The following ST8SIA6 variants were observed in gnomAD, a reference collection of about 807,000 sequenced individuals.
The protein encoded by ST8SIA6 is ST8 alpha-N-acetyl-neuraminide alpha-2,8-sialyltransferase 6, also known as alpha-2,8-sialyltransferase 8F.
Under a neutral mutation model 33.6 loss-of-function variants are expected in ST8SIA6, and 39 were observed. The observed-to-expected ratio is 1.16, with a 90% CI of 0.90 to 1.52. The LOEUF (loss-of-function observed/expected upper bound fraction) is 1.52. Ranked by LOEUF, ST8SIA6 falls within the 40% of genes most tolerant of loss-of-function variation. The pLI, the probability that ST8SIA6 is intolerant of heterozygous loss-of-function variation, is 0.00. For synonymous variants in ST8SIA6, 172 were observed against 167.2 expected, an observed-to-expected ratio of 1.03 and a Z score of -0.22; for missense variants, 441 against 443.8, an observed-to-expected ratio of 0.99 and a Z score of 0.06.
intron 2 of ST8SIA6, among the ~76,000 whole-genome samples, chr10:17,415,951 A>G (rs906725742): frequency 6.6e-6 from 1 of 151,654 alleles, no homozygotes; most frequent in African/African-American, 2.4e-5. Flanking sequence ...CTGGGATTAC[A>G]GGTGCGCCAC....
chr10:17,442,426 G>T (rs1004679529), intron 2 of ST8SIA6, among the ~76,000 whole-genome samples: 1 of 152,182 alleles, frequency 6.6e-6, no homozygotes, highest in Non-Finnish European at 1.5e-5. Context: ...GGATTGTCTA[G>T]CAGCAGCCCA....
chr10:17,361,435 G>C (rs1017726464), intron 3 of ST8SIA6, among the ~76,000 whole-genome samples: 48 of 151,356 alleles, frequency 3.2e-4, no homozygotes, highest in Middle Eastern at 3.4e-3. Flanking sequence ...ACTACCAAAG[G>C]CCACTCAAGA....
intron 3 of ST8SIA6, among the ~76,000 whole-genome samples, chr10:17,369,924 T>G (rs1177686663): frequency 6.6e-6 from 1 of 152,152 alleles, no homozygotes; most frequent in Non-Finnish European, 1.5e-5. Flanking sequence ...TATCTTTGAG[T>G]CTAAAGTGTG....
At chr10:17,328,781 C>T (rs934420353) in intron 5 of ST8SIA6, among the ~76,000 whole-genome samples, 2 of 152,260 alleles carry the variant, frequency 1.3e-5, no homozygotes, top group South Asian at 2.1e-4. Context: ...ACCGGTATCA[C>T]GGGAATTAAT....
intron 2 of ST8SIA6, among the ~76,000 whole-genome samples, chr10:17,423,511 A>G (rs1043611977): frequency 2.0e-5 from 3 of 152,186 alleles, no homozygotes; most frequent in Non-Finnish European, 2.9e-5. Context: ...TGCTCCAAAT[A>G]TACTTTTTAA....
chr10:17,359,743 T>C (rs1003196959), intron 3 of ST8SIA6, 143 bp from the exon 4 acceptor site: 1 of 478,456 alleles, frequency 2.1e-6, no homozygotes, highest in African/African-American at 2.0e-5. Context: ...ATCATACTCA[T>C]TTCAAAACAC....
In ST8SIA6 at chr10:17,324,708, T is replaced by TACACACACACACAC. The variant is rs6143806; in HGVS notation, c.636-1565_636-1552dup. Among the ~76,000 whole-genome samples the TACACACACACACAC allele has an allele frequency of 3.3e-3, 467 of 140,010 alleles. 2 individuals carry two copies. The highest frequency in any genetic ancestry group is 0.012 in the African/African-American group (443 of 37,424). 91.9% of individuals were successfully genotyped at this position (140,010 alleles called of 152,430 possible). The stretch of plus-strand genomic sequence containing the variant: ...CAGGTATTTTCCTGAATATAGAGTA[T>TACACACACACACAC]ACACACACACACACACACACACACA... On this transcript the variant is annotated intron_variant, in intron 6 of 7. Transcript: ENST00000377602.
chr10:17,414,945 C>T (rs768927816), intron 2 of ST8SIA6, among the ~76,000 whole-genome samples: 5 of 151,878 alleles, frequency 3.3e-5, no homozygotes, highest in African/African-American at 7.3e-5. Context: ...AATCAGTAAC[C>T]CCCAGTATGT....
chr10:17,317,614 G>C lies in ST8SIA6; in HGVS notation c.*3264C>G, dbSNP rs1218183494. 6.6e-6 allele frequency among the ~76,000 whole-genome samples: 1 copy of C among 152,080 alleles called. No homozygotes were observed. Among genetic ancestry groups the C allele is most frequent in the Non-Finnish European group, 1.5e-5 (1 of 68,024 alleles). ...GCAGTAGCTGTTTAGGATGTTAGTG[G>C]ACCTGTTTTCCACAAAATTTTCCAC... On this transcript the variant is annotated 3_prime_UTR_variant, in exon 8 of 8. Coordinates refer to ENST00000377602, the MANE Select transcript of ST8SIA6 (RefSeq NM_001004470.3).
intron 4 of ST8SIA6, among the ~76,000 whole-genome samples, chr10:17,349,537 C>T (rs1848962912): frequency 6.6e-6 from 1 of 152,124 alleles, no homozygotes; most frequent in South Asian, 2.1e-4. Flanking sequence ...AGTATTGCTC[C>T]ATTTTACTGA....
rs147051988 is a variant in ST8SIA6, at chr10:17,367,230, T to A, written c.291-7630A>T. Among the ~76,000 whole-genome samples the A allele has an allele frequency of 1.6e-3, 238 of 152,270 alleles. 2 individuals carry two copies. The highest frequency in any genetic ancestry group is 5.5e-3 in the African/African-American group (229 of 41,554). ...AAAAAGAGGTTTAATGAACTCACAGTTCACCATGGCTGGGGAGGCCTCACA... is the reference window on the plus strand; with the variant it reads ...AAAAAGAGGTTTAATGAACTCACAGATCACCATGGCTGGGGAGGCCTCACA... On this transcript the variant is annotated intron_variant, in intron 3 of 7. Coordinates refer to ENST00000377602, the MANE Select transcript of ST8SIA6 (RefSeq NM_001004470.3).
chr10:17,321,691 A>G (rs554002825), intron 7 of ST8SIA6, among the ~76,000 whole-genome samples: 2 of 152,344 alleles, frequency 1.3e-5, no homozygotes, highest in East Asian at 3.9e-4. Flanking sequence ...ATGTATAATG[A>G]TAAAATATTT....
At chr10:17,432,229 C>T (rs999877568) in intron 2 of ST8SIA6, among the ~76,000 whole-genome samples, 57 of 152,194 alleles carry the variant, frequency 3.7e-4, no homozygotes, top group Non-Finnish European at 7.5e-4. Context: ...TTTAATGACT[C>T]ACCAGCCTCG....
At chr10:17,406,791 C>CTTTT (rs1281929219) in intron 2 of ST8SIA6, among the ~76,000 whole-genome samples, 2 of 114,512 alleles carry the variant, frequency 1.7e-5, no homozygotes, top group African/African-American at 3.3e-5. Flanking sequence ...GAGGGCTAAT[C>CTTTT]TTTTTTTTTT....
intron 3 of ST8SIA6, among the ~76,000 whole-genome samples, chr10:17,364,684 G>A (rs1219339680): frequency 2.0e-5 from 3 of 152,190 alleles, no homozygotes; most frequent in Admixed American, 2.0e-4. Flanking sequence ...AAGCATGGTT[G>A]TAACCAAAAA....
chr10:17,371,813 T>TAAGA (rs1849745360), intron 3 of ST8SIA6, among the ~76,000 whole-genome samples: 1 of 116,918 alleles, frequency 8.6e-6, no homozygotes, highest in African/African-American at 3.2e-5. Flanking sequence ...AGAAAGAAAG[T>TAAGA]AAAAAATGAG....
At chr10:17,412,542 G>T (rs2131696614) in intron 2 of ST8SIA6, among the ~76,000 whole-genome samples, 1 of 152,248 alleles carries the variant, frequency 6.6e-6, no homozygotes, top group Middle Eastern at 3.4e-3. Flanking sequence ...CCACTTGGCT[G>T]CCCTCTAAAG....
chr10:17,342,225 G>T (rs1005747452), intron 4 of ST8SIA6, among the ~76,000 whole-genome samples: 1 of 152,176 alleles, frequency 6.6e-6, no homozygotes, highest in Non-Finnish European at 1.5e-5. Flanking sequence ...ATACAAATAT[G>T]AATAAAACAT....
chr10:17,453,705 T>C, intron 1 of ST8SIA6, 48 bp from the exon 2 acceptor site: 1 of 1,246,976 alleles, frequency 8.0e-7, no homozygotes, highest in Non-Finnish European at 1.0e-6. Flanking sequence ...CGCCGGGAGC[T>C]GTTGGCTGAA....
Sources: gnomAD v4.1 joint callset for allele counts (sites outside exome capture counted in the v4.1 genomes callset) on GRCh38, gnomAD v4.1.1 for gene constraint, MANE v1.5 for transcripts, NCBI Gene and HGNC (gene_info 2026-07-23, HGNC 2026-07-21) for gene names.